The following NXPE1 variants were observed in gnomAD, a reference collection of about 807,000 sequenced individuals.
The protein encoded by NXPE1 is NXPE family member 1.
Under a neutral mutation model 33.3 loss-of-function variants are expected in NXPE1, and 31 were observed. The ratio of observed to expected loss-of-function variants is 0.93; its 90% confidence interval spans 0.70 to 1.26. NXPE1 has a LOEUF of 1.26. NXPE1 is among the 50% of genes most tolerant of loss of function. The probability of loss-of-function intolerance (pLI) is 0.00; values close to 1 mark genes in which losing one functional copy is unlikely to be tolerated. For synonymous variants in NXPE1, 229 were observed against 231.4 expected (o/e 0.99, Z 0.09); for missense variants, 661 against 655.6 (o/e 1.01, Z -0.09).
chr11:114,529,818 G>A (rs117155361), intron 6 of NXPE1: 35 of 216,950 alleles, frequency 1.6e-4, no homozygotes, highest in Admixed American at 3.6e-4. Context: ...AGCACTGTGC[G>A]TGGGGGGAAA....
At chr11:114,522,405 A>C in exon 9 of NXPE1, 1 of 1,614,082 alleles carries the variant, frequency 6.2e-7, no homozygotes, top group Non-Finnish European at 8.5e-7. Flanking sequence ...ACGAAGGGAT[A>C]GCTATGTTTT....
intron 5 of NXPE1, among the ~76,000 whole-genome samples, chr11:114,544,435 A>G (rs1948207067): frequency 1.3e-5 from 2 of 152,232 alleles, no homozygotes; most frequent in South Asian, 4.1e-4. Context: ...TACAAATATT[A>G]TCAACTGATT....
At chr11:114,546,420 A>G (rs1948284515) in intron 5 of NXPE1, among the ~76,000 whole-genome samples, 1 of 151,974 alleles carries the variant, frequency 6.6e-6, no homozygotes, top group Non-Finnish European at 1.5e-5. Context: ...ATAATTATAG[A>G]TATGCATGTA....
At chr11:114,556,957 A>G (rs1225898891) in intron 1 of NXPE1, among the ~76,000 whole-genome samples, 1 of 148,768 alleles carries the variant, frequency 6.7e-6, no homozygotes, top group Non-Finnish European at 1.5e-5. Context: ...CAGTGGCACT[A>G]TCTTGGCTCA....
At chr11:114,534,447 CGAGTT>C (rs1271315610) in intron 5 of NXPE1, among the ~76,000 whole-genome samples, 4 of 152,038 alleles carry the variant, frequency 2.6e-5, no homozygotes, top group Non-Finnish European at 5.9e-5. Flanking sequence ...ATGACTTTGA[CGAGTT>C]GAGAGAGGAA....
chr11:114,557,196 CT>C (rs1948672140), intron 1 of NXPE1, among the ~76,000 whole-genome samples: 1 of 152,084 alleles, frequency 6.6e-6, no homozygotes, highest in Non-Finnish European at 1.5e-5. Context: ...GCCCGGCCCC[CT>C]TTTTGACCTC....
rs1442604046 is a variant in NXPE1, at chr11:114,554,694, A to G, written c.-210-1814T>C. ...AAGATTCTTTATTAACAGTACTGTG[A>G]TATGAAAATAATCTGTGACTTCAAG... On this transcript the variant is annotated intron_variant, in intron 1 of 8. Transcript: ENST00000534921. Among the ~76,000 whole-genome samples the G allele has an allele frequency of 2.6e-5, 4 of 152,384 alleles. No individual in the cohort carries two copies. The East Asian group carries it at 7.7e-4, about 29-fold the overall frequency.
intron 5 of NXPE1, among the ~76,000 whole-genome samples, 165 bp from the exon 6 acceptor site, chr11:114,531,073 A>G (rs780977578): frequency 2.6e-5 from 4 of 151,938 alleles, no homozygotes; most frequent in African/African-American, 4.8e-5. Flanking sequence ...CCAAAAGAGA[A>G]GAGAAACAAG....
At chr11:114,530,802 G>C in exon 6 of NXPE1, 1 of 1,614,216 alleles carries the variant, frequency 6.2e-7, no homozygotes, top group Non-Finnish European at 8.5e-7. Flanking sequence ...TCTGAGTTCA[G>C]TCTCTGTTAG....
At chr11:114,537,071 G>T (rs757351423) in intron 5 of NXPE1, among the ~76,000 whole-genome samples, 1 of 152,056 alleles carries the variant, frequency 6.6e-6, no homozygotes, top group African/African-American at 2.4e-5. Context: ...ACATCAAAAA[G>T]CTTATCCACC....
intron 5 of NXPE1, among the ~76,000 whole-genome samples, chr11:114,550,440 T>A (rs575696264): frequency 6.6e-5 from 10 of 152,276 alleles, no homozygotes; most frequent in Non-Finnish European, 1.3e-4. Flanking sequence ...AAATTTAGTA[T>A]GCTACGGAGG....
chr11:114,541,688 G>C (rs1360625781), intron 5 of NXPE1, among the ~76,000 whole-genome samples: 1 of 152,106 alleles, frequency 6.6e-6, no homozygotes, highest in Non-Finnish European at 1.5e-5. Flanking sequence ...GTGCTTCCAG[G>C]CTATAGGTAA....
chr11:114,551,851 G>GA, intron 3 of NXPE1, 123 bp downstream of exon 3: 1 of 152,264 alleles, frequency 6.6e-6, no homozygotes, highest in South Asian at 2.1e-4. Context: ...GAGAGAGAGA[G>GA]AAAGAAGCTC....
intron 5 of NXPE1, among the ~76,000 whole-genome samples, chr11:114,543,679 A>ATGACTGTCTACGT: frequency 1.3e-5 from 2 of 152,154 alleles, no homozygotes; most frequent in Non-Finnish European, 2.9e-5. Flanking sequence ...GGAACCAGTC[A>ATGACTGTCTACGT]AGAATGTCCT....
intron 6 of NXPE1, chr11:114,529,864 A>G (rs1315244253): frequency 7.2e-6 from 2 of 276,996 alleles, no homozygotes; most frequent in African/African-American, 4.4e-5. Context: ...GGCAAAATTA[A>G]CAAAATATGA....
intron 1 of NXPE1, chr11:114,554,061 T>G (rs1248986468): frequency 1.0e-6 from 1 of 985,378 alleles, no homozygotes; most frequent in Non-Finnish European, 1.2e-6. Flanking sequence ...TTGTGAATGG[T>G]ATCCCAAATC....
chr11:114,551,450 GA>G lies in NXPE1; in HGVS notation c.-69-10del. ...TTCCTCCTTCCAGGACCCTGAAATGGAAGTCAAAGTCACCTTATAGGTTCTC... is the reference window on the plus strand; with the variant it reads ...TTCCTCCTTCCAGGACCCTGAAATGGAGTCAAAGTCACCTTATAGGTTCTC... On this transcript the variant is annotated splice_polypyrimidine_tract_variant and intron_variant, in intron 3 of 8. Coordinates refer to ENST00000534921, the Ensembl canonical transcript of NXPE1. 8.1e-7 allele frequency: 1 copy of G among 1,235,954 alleles called. No homozygotes were observed. The highest frequency in any genetic ancestry group is 1.0e-6 in the Non-Finnish European group (1 of 987,802). 76.6% of individuals were successfully genotyped at this position (1,235,954 alleles called of 1,614,324 possible).
intron 5 of NXPE1, among the ~76,000 whole-genome samples, chr11:114,548,496 A>G (rs1180353716): frequency 1.3e-5 from 2 of 152,138 alleles, no homozygotes; most frequent in Non-Finnish European, 2.9e-5. Flanking sequence ...GGTATTTAAT[A>G]GAGATTTATG....
At chr11:114,520,309 G>A (rs182431204), downstream of NXPE1, among the ~76,000 whole-genome samples, 1 of 152,024 alleles carries the variant, frequency 6.6e-6, no homozygotes, top group Non-Finnish European at 1.5e-5. Context: ...CTGTTTCTAT[G>A]TGTAGTTTTT....
Sources: allele counts gnomAD v4.1 joint callset (sites outside exome capture counted in the v4.1 genomes callset), GRCh38; gene constraint gnomAD v4.1.1; transcripts MANE v1.5; gene names NCBI Gene and HGNC (gene_info 2026-07-23, HGNC 2026-07-21).